The following MAPK10 variants were observed in gnomAD, a reference collection of about 807,000 sequenced individuals.
The protein encoded by MAPK10 is JNK3 alpha protein kinase.
Under a neutral mutation model 59.3 loss-of-function variants are expected in MAPK10, and 25 were observed. That is an observed-to-expected ratio of 0.42 (90% CI 0.31 to 0.59). MAPK10 has a LOEUF of 0.59. Ranked by LOEUF, MAPK10 falls within the 20% of genes least tolerant of loss-of-function variation. The probability of loss-of-function intolerance (pLI) is 0.15; values close to 1 mark genes in which losing one functional copy is unlikely to be tolerated. For synonymous variants in MAPK10, 190 were observed against 200.5 expected, an observed-to-expected ratio of 0.95 and a Z score of 0.44; for missense variants, 351 against 568.9, an observed-to-expected ratio of 0.62 and a Z score of 3.90.
intron 4 of MAPK10, among the ~76,000 whole-genome samples, chr4:86,138,809 CCTT>C (rs1258137933): frequency 1.3e-5 from 2 of 152,182 alleles, no homozygotes; most frequent in East Asian, 3.9e-4. Flanking sequence ...CCCAGAATCT[CCTT>C]AAGCTGATAA....
At chr4:86,265,277 G>C (rs1436085732) in intron 2 of MAPK10, among the ~76,000 whole-genome samples, 4 of 152,008 alleles carry the variant, frequency 2.6e-5, no homozygotes, top group African/African-American at 7.2e-5. Context: ...CACTTTGGGA[G>C]GCAGGTGTAT....
At chr4:86,534,853 C>T (rs1388333616) in intron 1 of MAPK10, among the ~76,000 whole-genome samples, 1 of 152,134 alleles carries the variant, frequency 6.6e-6, no homozygotes, top group African/African-American at 2.4e-5. Context: ...TTGCAGTGAA[C>T]CGAGATCGCG....
At chr4:86,411,572 G>A (rs1053981240) in intron 1 of MAPK10, among the ~76,000 whole-genome samples, 7 of 152,188 alleles carry the variant, frequency 4.6e-5, no homozygotes, top group African/African-American at 9.7e-5. Context: ...CTTGCTTTAT[G>A]AATCTGGGCT....
chr4:86,071,229 T>C (rs1485116407), intron 9 of MAPK10, among the ~76,000 whole-genome samples: 1 of 152,154 alleles, frequency 6.6e-6, no homozygotes, highest in Admixed American at 6.5e-5. Context: ...GCCCACTTTT[T>C]AATGGGGTTG....
At chr4:86,237,022 G>T (rs1242122609) in intron 2 of MAPK10, among the ~76,000 whole-genome samples, 2 of 152,048 alleles carry the variant, frequency 1.3e-5, no homozygotes, top group East Asian at 3.9e-4. Flanking sequence ...CATAGTGTGT[G>T]TTGTTCCCCT....
At chr4:86,191,121 G>C (rs1334161750) in intron 3 of MAPK10, among the ~76,000 whole-genome samples, 1 of 152,056 alleles carries the variant, frequency 6.6e-6, no homozygotes, top group Non-Finnish European at 1.5e-5. Flanking sequence ...TGTTTGTTAT[G>C]ATTTCCATTC....
chr4:86,123,464 G>A (rs1199222700), intron 4 of MAPK10, among the ~76,000 whole-genome samples: 1 of 151,914 alleles, frequency 6.6e-6, no homozygotes, highest in Non-Finnish European at 1.5e-5. Context: ...GTTTTTTGAG[G>A]AACTGCATAC....
intron 1 of MAPK10, among the ~76,000 whole-genome samples, chr4:86,473,266 T>C (rs1490914660): frequency 6.6e-6 from 1 of 152,154 alleles, no homozygotes; most frequent in Non-Finnish European, 1.5e-5. Context: ...TAGTTGGAGG[T>C]CAAAGCAGGG....
chr4:86,218,118 T>C (rs2088276928), intron 2 of MAPK10, among the ~76,000 whole-genome samples: 1 of 152,130 alleles, frequency 6.6e-6, no homozygotes, highest in Non-Finnish European at 1.5e-5. Flanking sequence ...TGAACAAAAA[T>C]AAACAACTCA....
chr4:86,552,459 AGGAGGGAGGGAGGGAG>A (rs1165212307), intron 1 of MAPK10, among the ~76,000 whole-genome samples: 148 of 34,582 alleles, frequency 4.3e-3, no homozygotes, highest in African/African-American at 7.8e-3. Context: ...GAAGGAAGGA[AGGAGGGAGGGAGGGAG>A]GGAGGGAGGG....
chr4:86,383,921 T>G (rs1211468118), intron 1 of MAPK10, among the ~76,000 whole-genome samples: 1 of 152,226 alleles, frequency 6.6e-6, no homozygotes, highest in African/African-American at 2.4e-5. Flanking sequence ...GCCTGATTTA[T>G]CTTCTTTGAT....
chr4:86,148,448 C>A (rs191249778), intron 4 of MAPK10, among the ~76,000 whole-genome samples: 89 of 152,134 alleles, frequency 5.9e-4, no homozygotes, highest in African/African-American at 2.0e-3. Context: ...GTGTAAGCAA[C>A]TTTACCCATA....
intron 11 of MAPK10, among the ~76,000 whole-genome samples, chr4:86,050,579 T>C (rs1025705650): frequency 1.3e-5 from 2 of 152,104 alleles, no homozygotes; most frequent in Non-Finnish European, 2.9e-5. Flanking sequence ...AAAGCTAGAC[T>C]AAGTAAGGCA....
intron 4 of MAPK10, among the ~76,000 whole-genome samples, chr4:86,146,721 T>C (rs2065097926): frequency 6.6e-6 from 1 of 152,232 alleles, no homozygotes; most frequent in African/African-American, 2.4e-5. Flanking sequence ...TTCCCCTATC[T>C]ACTTCCACCT....
At chr4:86,579,797 T>A (rs919346258) in intron 1 of MAPK10, among the ~76,000 whole-genome samples, 1 of 152,034 alleles carries the variant, frequency 6.6e-6, no homozygotes, top group Non-Finnish European at 1.5e-5. Flanking sequence ...TAAAATCAGA[T>A]GTATGTTTTC....
intron 1 of MAPK10, among the ~76,000 whole-genome samples, chr4:86,400,157 G>A (rs1320499811): frequency 6.6e-6 from 1 of 152,086 alleles, no homozygotes; most frequent in African/African-American, 2.4e-5. Context: ...TTTTGCTACT[G>A]CATTAGAACT....
At chr4:86,454,286 A>G (rs1751040711), upstream of MAPK10, among the ~76,000 whole-genome samples, 1 of 152,246 alleles carries the variant, frequency 6.6e-6, no homozygotes, top group Non-Finnish European at 1.5e-5. Flanking sequence ...TACCTGAAAA[A>G]GAATTCAGAA....
chr4:86,072,485 A>G (rs1377595044), intron 9 of MAPK10, among the ~76,000 whole-genome samples: 1 of 124,542 alleles, frequency 8.0e-6, no homozygotes, highest in South Asian at 2.7e-4. Context: ...TTCAAAGGGA[A>G]TGCTTCCAGT....
At chr4:86,436,143 C>G (rs1748689034) in intron 1 of MAPK10, among the ~76,000 whole-genome samples, 1 of 152,150 alleles carries the variant, frequency 6.6e-6, no homozygotes, top group Non-Finnish European at 1.5e-5. Context: ...CCCCTCTTCC[C>G]TGGAGTTTAT....
Sources: allele counts gnomAD v4.1 joint callset (sites outside exome capture counted in the v4.1 genomes callset), GRCh38; gene constraint gnomAD v4.1.1; transcripts MANE v1.5; gene names NCBI Gene and HGNC (gene_info 2026-07-23, HGNC 2026-07-21).